SYCE2: variants seen among roughly 807,000 people sequenced by gnomAD.
SYCE2 encodes central element synaptonemal complex 1.
A neutral mutation model predicts 27.9 loss-of-function variants in SYCE2; 3 were observed. The observed-to-expected ratio is 0.11, with a 90% CI of 0.05 to 0.28. The LOEUF (loss-of-function observed/expected upper bound fraction) is 0.28, where lower values mean the gene tolerates loss of function less well. SYCE2 is among the 10% of genes least tolerant of loss of function. The pLI, the probability that SYCE2 is intolerant of heterozygous loss-of-function variation, is 1.00. For synonymous variants in SYCE2, 85 were observed against 100.7 expected, an observed-to-expected ratio of 0.84 and a Z score of 0.93; for missense variants, 207 against 263.5, an observed-to-expected ratio of 0.79 and a Z score of 1.48.
chr19:12,900,674 G>A (rs531126935), intron 3 of SYCE2, 26 bp from the exon 4 acceptor site: 61 of 1,594,498 alleles, frequency 3.8e-5, no homozygotes, highest in Non-Finnish European at 4.7e-5. Context: ...ATGTGTTCTC[G>A]GAAAATCAAA....
intron 3 of SYCE2, among the ~76,000 whole-genome samples, chr19:12,904,264 T>C (rs890891444): frequency 6.6e-6 from 1 of 152,218 alleles, no homozygotes; most frequent in African/African-American, 2.4e-5. Flanking sequence ...TAAATTGAGA[T>C]ACAGATGGTC....
intron 3 of SYCE2, among the ~76,000 whole-genome samples, chr19:12,901,376 C>CAA (rs901502164): frequency 8.3e-6 from 1 of 120,144 alleles, no homozygotes; most frequent in Non-Finnish European, 1.8e-5. Flanking sequence ...AACTCCGTCT[C>CAA]AAAAAAAAAA....
At chr19:12,904,835 TAAAAACAA>T (rs1970903115) in intron 2 of SYCE2, 169 bp from the exon 3 acceptor site, 4 of 718,872 alleles carry the variant, frequency 5.6e-6, no homozygotes, top group Non-Finnish European at 8.8e-6. Flanking sequence ...TCGTCTCTAG[TAAAAACAA>T]AAAAACAAAA....
At chr19:12,913,038 G>A (rs976890107) in intron 2 of SYCE2, among the ~76,000 whole-genome samples, 2 of 152,206 alleles carry the variant, frequency 1.3e-5, no homozygotes, top group African/African-American at 2.4e-5. Flanking sequence ...GGCTTTCCCG[G>A]TTCCTAGGCT....
chr19:12,908,124 G>C (rs1970972202), intron 2 of SYCE2, among the ~76,000 whole-genome samples: 1 of 152,036 alleles, frequency 6.6e-6, no homozygotes, highest in Non-Finnish European at 1.5e-5. Context: ...CTGGGCGACA[G>C]AGTGAGACCC....
At chr19:12,916,232 G>T (rs1274275614) in intron 2 of SYCE2, among the ~76,000 whole-genome samples, 1 of 151,856 alleles carries the variant, frequency 6.6e-6, no homozygotes, top group Admixed American at 6.6e-5. Flanking sequence ...ACCACGCCTG[G>T]CTAATTTTTT....
chr19:12,908,862 T>C (rs1280199330), intron 2 of SYCE2, among the ~76,000 whole-genome samples: 1 of 152,178 alleles, frequency 6.6e-6, no homozygotes, highest in East Asian at 1.9e-4. Flanking sequence ...TGCTGTCTTC[T>C]TGCCAGACAC....
chr19:12,908,548 T>C (rs969733703), intron 2 of SYCE2, among the ~76,000 whole-genome samples: 2 of 152,036 alleles, frequency 1.3e-5, no homozygotes, highest in African/African-American at 4.8e-5. Context: ...ATGGTTTCCA[T>C]CTCGTGACCT....
intron 2 of SYCE2, among the ~76,000 whole-genome samples, chr19:12,907,069 A>C (rs534266197): frequency 7.6e-4 from 115 of 152,174 alleles, no homozygotes; most frequent in South Asian, 2.9e-3. Flanking sequence ...GACCGGTTTG[A>C]CGTCTGATCA....
intron 2 of SYCE2, among the ~76,000 whole-genome samples, chr19:12,912,557 C>T (rs780529493): frequency 7.9e-5 from 12 of 152,172 alleles, no homozygotes; most frequent in Non-Finnish European, 1.5e-4. Context: ...GACATTGGGG[C>T]TCCCACACCT....
intron 2 of SYCE2, among the ~76,000 whole-genome samples, chr19:12,915,230 T>C (rs540012097): frequency 6.6e-6 from 1 of 151,748 alleles, no homozygotes; most frequent in Non-Finnish European, 1.5e-5. Context: ...TGGCCTGGAG[T>C]GATGAAGCTG....
chr19:12,899,427 C>T (rs762100038), intron 5 of SYCE2, 42 bp from the exon 6 acceptor site: 9 of 1,613,912 alleles, frequency 5.6e-6, no homozygotes, highest in Admixed American at 5.0e-5. Flanking sequence ...AAGTTGTGAG[C>T]TATGAAAACT....
chr19:12,911,637 A>T (rs1324801184), intron 2 of SYCE2, among the ~76,000 whole-genome samples: 44 of 24,812 alleles, frequency 1.8e-3, no homozygotes, highest in African/African-American at 3.2e-3. Flanking sequence ...TTTTTTTTTT[A>T]GACGAGGTCT....
At chr19:12,913,487 A>C (rs577079013) in intron 2 of SYCE2, among the ~76,000 whole-genome samples, 2 of 152,224 alleles carry the variant, frequency 1.3e-5, no homozygotes, top group Non-Finnish European at 2.9e-5. Context: ...TCAAGGGGGG[A>C]ACACAACAGA....
At chr19:12,904,934 G>A (rs1373999225) in intron 2 of SYCE2, among the ~76,000 whole-genome samples, 2 of 151,876 alleles carry the variant, frequency 1.3e-5, no homozygotes, top group Middle Eastern at 3.4e-3. Context: ...GAACCCAGGG[G>A]ATGAAGTTGC....
chr19:12,917,684 C>T lies in SYCE2; in HGVS notation c.131+538G>A, dbSNP rs549834251. 3.5e-4 allele frequency among the ~76,000 whole-genome samples: 6 copies of T among 17,106 alleles called. No homozygotes were observed. In the South Asian group the frequency reaches 6.3e-3, roughly 18 times the overall value. 11.2% of individuals were successfully genotyped at this position (17,106 alleles called of 152,430 possible). A position where few individuals can be genotyped will look rare whatever the true frequency, so the allele number is the denominator to read the frequency against. ...CTTTTTTTTTTTTTTTTTGAGACAGCGTTTCGGTCTTTTTGCCCAGGCTGG... is the reference window on the plus strand; with the variant it reads ...CTTTTTTTTTTTTTTTTTGAGACAGTGTTTCGGTCTTTTTGCCCAGGCTGG... On this transcript the variant is annotated intron_variant, in intron 2 of 5. Transcript: ENST00000293695.
chr19:12,912,685 A>C, intron 2 of SYCE2, among the ~76,000 whole-genome samples: 1 of 152,090 alleles, frequency 6.6e-6, no homozygotes, highest in East Asian at 1.9e-4. Context: ...ATTGTTCACA[A>C]CCTGCTTGAG....
At chr19:12,909,962 T>A (rs1387088410) in intron 2 of SYCE2, among the ~76,000 whole-genome samples, 1 of 150,436 alleles carries the variant, frequency 6.6e-6, no homozygotes, top group Admixed American at 6.6e-5. Flanking sequence ...CAACTCCCGG[T>A]TTCAAGCGAT....
chr19:12,917,552 G>A (rs1157401041), intron 2 of SYCE2, among the ~76,000 whole-genome samples: 3 of 149,902 alleles, frequency 2.0e-5, no homozygotes, highest in Admixed American at 6.7e-5. Flanking sequence ...TAGTAGAGAC[G>A]GGGTTTCATC....
Sources: gnomAD v4.1 joint callset for allele counts (sites outside exome capture counted in the v4.1 genomes callset) on GRCh38, gnomAD v4.1.1 for gene constraint, MANE v1.5 for transcripts, NCBI Gene and HGNC (gene_info 2026-07-23, HGNC 2026-07-21) for gene names.